CFAP97: variants seen among roughly 807,000 people sequenced by gnomAD.
The protein encoded by CFAP97 is cilia and flagella associated protein 97, also known as cilia- and flagella-associated protein 97.
A neutral mutation model predicts 43.1 loss-of-function variants in CFAP97; 36 were observed. The ratio of observed to expected loss-of-function variants is 0.84; its 90% CI spans 0.64 to 1.10. The LOEUF (loss-of-function observed/expected upper bound fraction) is 1.10. Ranked by LOEUF, CFAP97 falls within the 50% of genes least tolerant of loss-of-function variation. The probability of loss-of-function intolerance (pLI) is 0.00; values close to 1 mark genes in which losing one functional copy is unlikely to be tolerated. For synonymous variants in CFAP97, 228 were observed against 225.7 expected (o/e 1.01, Z -0.09); for missense variants, 657 against 620.3 (o/e 1.06, Z -0.63).
intron 1 of CFAP97, among the ~76,000 whole-genome samples, chr4:185,193,887 G>GATAAATAAATAA (rs71593607): frequency 0.15 from 22,425 of 147,548 alleles, 1,811 homozygotes; most frequent in Admixed American, 0.22. Context: ...GACTCCATCT[G>GATAAATAAATAA]ATAAATAAAT....
chr4:185,195,556 T>TATGTA (rs1481963717), intron 1 of CFAP97, among the ~76,000 whole-genome samples: 2 of 152,202 alleles, frequency 1.3e-5, no homozygotes, highest in Non-Finnish European at 2.9e-5. Flanking sequence ...CAATGCTATA[T>TATGTA]TCTTCATGAG....
intron 3 of CFAP97, among the ~76,000 whole-genome samples, chr4:185,165,274 G>A (rs547388035): frequency 1.3e-5 from 2 of 152,074 alleles, no homozygotes; most frequent in East Asian, 1.9e-4. Context: ...ACAACATGGC[G>A]AAACGCTATC....
chr4:185,190,293 AATTATT>A lies in CFAP97; in HGVS notation c.898_903del (p.Asn300_Asn301del). On this transcript the variant is annotated inframe_deletion, in exon 2 of 5. Coordinates refer to ENST00000458385, the MANE Select transcript of CFAP97 (RefSeq NM_020827.3). ...TTTTTGGCTGCTTTCAAATATTTTGAATTATTTTTCAAATCCTCAACATCTTCATAT... is the reference window on the plus strand; with the variant it reads ...TTTTTGGCTGCTTTCAAATATTTTGATTTCAAATCCTCAACATCTTCATAT... The A allele has an allele frequency of 6.2e-7, 1 of 1,609,288 alleles. No homozygotes were observed. Among genetic ancestry groups the A allele is most frequent in the Non-Finnish European group, 8.5e-7 (1 of 1,177,128 alleles).
chr4:185,202,106 C>A (rs1204740065), intron 1 of CFAP97, among the ~76,000 whole-genome samples: 2 of 152,158 alleles, frequency 1.3e-5, no homozygotes, highest in Admixed American at 6.5e-5. Context: ...ATCTTTATAA[C>A]CCCAGTACCC....
chr4:185,177,412 C>G (rs1735596100), intron 2 of CFAP97, among the ~76,000 whole-genome samples: 1 of 106,830 alleles, frequency 9.4e-6, no homozygotes, highest in African/African-American at 3.7e-5. Context: ...GACTCTGTCT[C>G]CAAAAAAAAA....
In CFAP97 at chr4:185,170,302, C is replaced by A. The variant is rs530615874; in HGVS notation, c.1320+5484G>T. ...TGGAGGCTGCAAGGAGCCAAGATCA[C>A]GTCACTGCACTCCAGCCTGGGTGAC... On this transcript the variant is annotated intron_variant, in intron 3 of 4. Transcript: ENST00000458385. The A allele has an allele frequency of 1.6e-5, 10 of 638,496 alleles. No individual in the cohort carries two copies. In the East Asian group the frequency reaches 2.4e-4, roughly 15 times the overall value. 39.6% of individuals were successfully genotyped at this position (638,496 alleles called of 1,614,324 possible). A position where few individuals can be genotyped will look rare whatever the true frequency, so the allele number is the denominator to read the frequency against.
chr4:185,186,049 A>G (rs1188172498), intron 2 of CFAP97, among the ~76,000 whole-genome samples: 1 of 152,196 alleles, frequency 6.6e-6, no homozygotes, highest in East Asian at 1.9e-4. Flanking sequence ...AGAAAGATCA[A>G]TATGTTTTAA....
chr4:185,184,049 G>A (rs1735907633), intron 2 of CFAP97, among the ~76,000 whole-genome samples: 1 of 152,172 alleles, frequency 6.6e-6, no homozygotes. Context: ...GGGTTAGACA[G>A]GAAGAGTGAA....
At chr4:185,193,450 C>G in intron 1 of CFAP97, among the ~76,000 whole-genome samples, 1 of 151,986 alleles carries the variant, frequency 6.6e-6, no homozygotes, top group South Asian at 2.1e-4. Context: ...TTCGAGACTA[C>G]TCTGGCCAAT....
chr4:185,192,970 G>A (rs1479479968), intron 1 of CFAP97, among the ~76,000 whole-genome samples: 1 of 152,026 alleles, frequency 6.6e-6, no homozygotes, highest in East Asian at 1.9e-4. Flanking sequence ...TGGATCTCCT[G>A]ACCTTGTGAT....
In CFAP97 at chr4:185,190,445, G is replaced by A; in HGVS notation, c.752C>T (p.Thr251Ile). The A allele has an allele frequency of 1.2e-6, 2 of 1,613,866 alleles. No individual in the cohort carries two copies. Among genetic ancestry groups the A allele is most frequent in the Middle Eastern group, 1.6e-4 (1 of 6,062 alleles). ...CGHYPEESED[T>I]VTDVSPLSTP... is the part of the protein sequence containing the mutation. Reference sequence around the variant, plus strand: ...TGATAAGGGACTTACGTCAGTCACAGTATCTTCAGACTCCTCAGGGTAGTG... The same window carrying A: ...TGATAAGGGACTTACGTCAGTCACAATATCTTCAGACTCCTCAGGGTAGTG... The change falls in exon 2 of 5, where the codon ACT becomes ATT. Residue 251 changes from threonine to isoleucine, a missense_variant. Coordinates refer to ENST00000458385, the MANE Select transcript of CFAP97 (RefSeq NM_020827.3).
intron 3 of CFAP97, among the ~76,000 whole-genome samples, chr4:185,171,319 C>T (rs1228420231): frequency 2.0e-5 from 3 of 152,024 alleles, no homozygotes; most frequent in Non-Finnish European, 1.5e-5. Flanking sequence ...CACAGCAAGA[C>T]CTCATCTCCA....
chr4:185,207,576 T>C (rs546622294), upstream of CFAP97, among the ~76,000 whole-genome samples: 1 of 152,264 alleles, frequency 6.6e-6, no homozygotes, highest in South Asian at 2.1e-4. Context: ...CCTTTTTTTT[T>C]CTCTTCTGTA....
At chr4:185,197,812 C>G (rs1338686943) in intron 1 of CFAP97, among the ~76,000 whole-genome samples, 1 of 152,134 alleles carries the variant, frequency 6.6e-6, no homozygotes, top group African/African-American at 2.4e-5. Flanking sequence ...AATGATTAAG[C>G]TTAGTGAGGA....
At chr4:185,210,217 C>G (rs868795597), upstream of CFAP97, 7 of 984,710 alleles carry the variant, frequency 7.1e-6, no homozygotes, top group Non-Finnish European at 8.4e-6. The surrounding 1 kb of genome is among the most constrained non-coding windows in gnomAD (Gnocchi z 4.4). Flanking sequence ...CGCCTGGAGC[C>G]GGCTGGCCGC....
At chr4:185,181,246 C>A (rs762766524) in intron 2 of CFAP97, among the ~76,000 whole-genome samples, 1 of 145,152 alleles carries the variant, frequency 6.9e-6, no homozygotes, top group African/African-American at 2.6e-5. Flanking sequence ...GGCAACAGAG[C>A]GAGACTCCGT....
At chr4:185,203,612 A>G (rs982618877) in intron 1 of CFAP97, among the ~76,000 whole-genome samples, 10 of 151,886 alleles carry the variant, frequency 6.6e-5, no homozygotes, top group African/African-American at 2.2e-4. Context: ...TCGCGGCCCA[A>G]TCTCAATTTA....
At chr4:185,174,040 T>G (rs1735417909) in intron 3 of CFAP97, among the ~76,000 whole-genome samples, 1 of 152,172 alleles carries the variant, frequency 6.6e-6, no homozygotes, top group East Asian at 1.9e-4. Flanking sequence ...GCACCTGGGC[T>G]CTGACACCTG....
chr4:185,189,694 C>T (rs1460174457), intron 2 of CFAP97, among the ~76,000 whole-genome samples: 1 of 152,098 alleles, frequency 6.6e-6, no homozygotes, highest in Admixed American at 6.5e-5. Flanking sequence ...TCTGAAGAGT[C>T]CTCTTTAGTT....
Sources: gnomAD v4.1 joint callset for allele counts (sites outside exome capture counted in the v4.1 genomes callset) on GRCh38, gnomAD v4.1.1 for gene constraint, Gnocchi (gnomAD v3.1) non-coding constraint, MANE v1.5 for transcripts, NCBI Gene and HGNC (gene_info 2026-07-23, HGNC 2026-07-21) for gene names.